The following ZNF18 variants were observed in gnomAD, a reference collection of about 807,000 sequenced individuals.
The protein encoded by ZNF18 is zinc finger protein 18, also known as heart development-specific gene 1 protein.
A neutral mutation model predicts 58.1 loss-of-function variants in ZNF18; 42 were observed. That is an observed-to-expected ratio of 0.72 (90% CI 0.56 to 0.93). The LOEUF (loss-of-function observed/expected upper bound fraction) is 0.93, where lower values mean the gene tolerates loss of function less well. Ranked by LOEUF, ZNF18 falls within the 40% of genes least tolerant of loss-of-function variation. The probability of loss-of-function intolerance (pLI) is 0.00; values close to 1 mark genes in which losing one functional copy is unlikely to be tolerated. For missense variants in ZNF18, 540 were observed against 644.2 expected, an observed-to-expected ratio of 0.84 and a Z score of 1.75; for synonymous variants, 231 against 239.8, an observed-to-expected ratio of 0.96 and a Z score of 0.34.
chr17:12,016,055 C>T, the ZNF18 span, among the ~76,000 whole-genome samples: 1 of 151,972 alleles, frequency 6.6e-6, no homozygotes, highest in East Asian at 1.9e-4. Context: ...CCTCCCAAAG[C>T]GCTGGGATTA....
chr17:11,998,876 A>G (rs1968608722), upstream of ZNF18, among the ~76,000 whole-genome samples: 1 of 124,302 alleles, frequency 8.0e-6, no homozygotes, highest in South Asian at 2.4e-4. Context: ...GGGTTTCACC[A>G]TGTTGGCCAG....
the ZNF18 span, among the ~76,000 whole-genome samples, chr17:12,003,822 T>C: frequency 1.3e-5 from 2 of 152,222 alleles, no homozygotes; most frequent in Non-Finnish European, 2.9e-5. Flanking sequence ...TTCACTGGTA[T>C]TGAATACAAC....
chr17:12,011,934 C>T, the ZNF18 span, among the ~76,000 whole-genome samples: 13 of 151,914 alleles, frequency 8.6e-5, no homozygotes, highest in Non-Finnish European at 1.3e-4. Flanking sequence ...CTCCTGACCT[C>T]GTGATCTGCC....
At chr17:12,011,052 T>C in the ZNF18 span, 67 of 741,294 alleles carry the variant, frequency 9.0e-5, no homozygotes, top group Admixed American at 4.3e-4. Context: ...AGTTTAGCCA[T>C]GGTGACACCT....
the ZNF18 span, among the ~76,000 whole-genome samples, chr17:12,004,762 C>T: frequency 6.6e-6 from 1 of 151,706 alleles, no homozygotes; most frequent in Non-Finnish European, 1.5e-5. Flanking sequence ...TGGCGCATGC[C>T]TATAATCCCA....
chr17:12,009,593 C>T, the ZNF18 span, among the ~76,000 whole-genome samples: 7 of 152,024 alleles, frequency 4.6e-5, no homozygotes, highest in African/African-American at 1.7e-4. Flanking sequence ...GCTGGGATTA[C>T]AGGCGCCCGT....
chr17:12,003,934 T>C, the ZNF18 span, among the ~76,000 whole-genome samples: 1 of 152,168 alleles, frequency 6.6e-6, no homozygotes, highest in Non-Finnish European at 1.5e-5. Context: ...CATGGAGCAG[T>C]TAAAAGTGAG....
Position 11,991,171 on chromosome 17 carries a change from C to G in ZNF18, c.388-8G>C. The G allele has an allele frequency of 6.2e-7, 1 of 1,607,802 alleles. No individual in the cohort carries two copies. Among genetic ancestry groups the G allele is most frequent in the Middle Eastern group, 1.7e-4 (1 of 5,998 alleles). On this transcript the variant is annotated splice_polypyrimidine_tract_variant and splice_region_variant and intron_variant, in intron 2 of 6. Coordinates refer to ENST00000580306, the MANE Select transcript of ZNF18 (RefSeq NM_001303281.2). ...TAGAACCTGGATACTGATCTAGAGA[C>G]CATATATTAATTAGTAATTACTGAA...
the ZNF18 span, among the ~76,000 whole-genome samples, chr17:12,019,184 T>C: frequency 6.6e-6 from 1 of 151,852 alleles, no homozygotes; most frequent in South Asian, 2.1e-4. Flanking sequence ...GGCTGGTCAC[T>C]AACTCCTGAC....
chr17:12,003,916 G>C, the ZNF18 span, among the ~76,000 whole-genome samples: 1 of 152,182 alleles, frequency 6.6e-6, no homozygotes, highest in Non-Finnish European at 1.5e-5. Context: ...ACGTGAGGAG[G>C]CCCACACCAT....
At chr17:11,991,882 A>G (rs1968148972) in intron 2 of ZNF18, among the ~76,000 whole-genome samples, 1 of 152,276 alleles carries the variant, frequency 6.6e-6, no homozygotes, top group Non-Finnish European at 1.5e-5. Flanking sequence ...CAAGTGTGCC[A>G]AAGCAGTGAA....
At chr17:11,988,560 CCT>C (rs143725393) in intron 4 of ZNF18, among the ~76,000 whole-genome samples, 1,745 of 152,248 alleles carry the variant, frequency 0.011, 31 homozygotes, top group African/African-American at 0.039. Flanking sequence ...GGAACAATCC[CCT>C]GAGTTCACAC....
intron 4 of ZNF18, among the ~76,000 whole-genome samples, chr17:11,988,824 C>G (rs1009285439): frequency 1.3e-5 from 2 of 150,798 alleles, no homozygotes; most frequent in African/African-American, 5.0e-5. Flanking sequence ...TCAAAGATTA[C>G]CAGGCACGGG....
Position 11,997,411 on chromosome 17 carries a change from C to A in ZNF18, c.-83+20G>T, listed in dbSNP as rs1968543668. On this transcript the variant is annotated intron_variant, in intron 1 of 6. Transcript: ENST00000580306. ...ACCCCGAGCGGCCGGAGGCCGGGAC[C>A]GCCCCGCAAGCGCGCTCACCTCGGC... 1 of 152,214 alleles carries A rather than the reference C, an allele frequency of 6.6e-6. No homozygotes were observed. The highest frequency in any genetic ancestry group is 1.5e-5 in the Non-Finnish European group (1 of 68,056). The allele number at this position is 152,214 out of a possible 1,614,324, so 9.4% of individuals were successfully genotyped here. A position where few individuals can be genotyped will look rare whatever the true frequency, so the allele number is the denominator to read the frequency against.
chr17:12,002,530 C>T, the ZNF18 span: 1 of 152,070 alleles, frequency 6.6e-6, no homozygotes, highest in Admixed American at 6.6e-5. Context: ...AAATCGAGAT[C>T]CAGAGTGTGT....
the ZNF18 span, among the ~76,000 whole-genome samples, chr17:12,004,540 A>G: frequency 6.6e-6 from 1 of 152,198 alleles, no homozygotes; most frequent in Non-Finnish European, 1.5e-5. Context: ...CCAATGAATC[A>G]GATCCGACCA....
chr17:11,984,159 T>G lies in ZNF18; in HGVS notation c.705A>C (p.Gln235His). 6.2e-7 allele frequency: 1 copy of G among 1,612,878 alleles called. No individual in the cohort carries two copies. Among genetic ancestry groups the G allele is most frequent in the Non-Finnish European group, 8.5e-7 (1 of 1,179,746 alleles). The change falls in exon 5 of 7, where the codon CAA (glutamine) becomes CAC (histidine). Residue 235 changes from glutamine to histidine, a missense_variant. Coordinates refer to ENST00000580306, the MANE Select transcript of ZNF18 (RefSeq NM_001303281.2). ...AGGTCTCCAGCATGAGATCCCAGTATTGCTCCTTTTGAGTGGAATCCAGTT... is the reference window on the plus strand; with the variant it reads ...AGGTCTCCAGCATGAGATCCCAGTAGTGCTCCTTTTGAGTGGAATCCAGTT... ...WRQLDSTQKEQYWDLMLETYG... is the reference protein window; with the variant it reads ...WRQLDSTQKEHYWDLMLETYG...
At position 11,991,085 on chromosome 17, in the gene ZNF18, G is replaced by T. The variant is rs756138317; in HGVS notation, c.466C>A (p.Pro156Thr). 1 of 1,614,180 alleles carries T rather than the reference G, an allele frequency of 6.2e-7. No individual in the cohort carries two copies. The highest frequency in any genetic ancestry group is 8.5e-7 in the Non-Finnish European group (1 of 1,180,034). Residue 156 changes from proline (P) to threonine (T), a missense_variant, in exon 3 of 7, where the codon CCC (proline) becomes ACC (threonine). Coordinates refer to ENST00000580306, the MANE Select transcript of ZNF18 (RefSeq NM_001303281.2). ...SPSCQVGEVE[P>T]HLEVVPQELG... ...TCCTGAGGCACCACTTCAAGATGGG[G>T]CTCCACTTCCCCCACTTGGCAGCTT...
In ZNF18 at chr17:11,977,763, A is replaced by C. The variant is rs1419282464; in HGVS notation, c.*194T>G. The C allele has an allele frequency of 1.7e-6, 1 of 572,198 alleles. No homozygotes were observed. The allele number at this position is 572,198 out of a possible 1,614,324, so 35.4% of individuals were successfully genotyped here. A position where few individuals can be genotyped will look rare whatever the true frequency, so the allele number is the denominator to read the frequency against. ...TTCTTTCTCCTGAGGCAGAATCAAG[A>C]ATTTAAGCCATTGTGCAATCCAATC... On this transcript the variant is annotated 3_prime_UTR_variant, in exon 7 of 7. Transcript: ENST00000580306.
Sources: gnomAD v4.1 joint callset for allele counts (sites outside exome capture counted in the v4.1 genomes callset) on GRCh38, gnomAD v4.1.1 for gene constraint, MANE v1.5 for transcripts, NCBI Gene and HGNC (gene_info 2026-07-23, HGNC 2026-07-21) for gene names.